Variants in PLCD3 observed in about 807,000 individuals in gnomAD.
PLCD3 encodes the protein phospholipase C delta 3.
A neutral mutation model predicts 82.8 loss-of-function variants in PLCD3; 62 were observed. The observed-to-expected ratio is 0.75, with a 90% CI of 0.61 to 0.93. PLCD3 has a LOEUF of 0.93. Ranked by LOEUF, PLCD3 falls within the 40% of genes least tolerant of loss-of-function variation. The pLI is 0.00. For synonymous variants in PLCD3, 478 were observed against 471.8 expected (o/e 1.01, Z -0.17); for missense variants, 1,023 against 1,103.4 (o/e 0.93, Z 1.03).
rs3744760 is a variant in PLCD3, at chr17:45,118,614, T to C, written c.914-122A>G. The C allele has an allele frequency of 0.3, 361,216 of 1,215,422 alleles. 56,377 individuals carry two copies. The highest frequency in any genetic ancestry group is 0.52 in the East Asian group (21,040 of 40,726). 75.3% of individuals were successfully genotyped at this position (1,215,422 alleles called of 1,614,324 possible). The stretch of plus-strand genomic sequence containing the variant: ...TAGACAATCTACTGACTAGACTCCA[T>C]GTAAGTCATGCCACTTAACCTTCGA... On this transcript the variant is annotated intron_variant, in intron 5 of 14. Coordinates refer to ENST00000619929, the MANE Select transcript of PLCD3 (RefSeq NM_133373.5). This position sits in a 1 kb window ranked among gnomAD's most constrained non-coding sequence, Gnocchi z 4.1.
intron 1 of PLCD3, among the ~76,000 whole-genome samples, chr17:45,131,664 C>T (rs1398690524): frequency 2.0e-5 from 3 of 152,246 alleles, no homozygotes; most frequent in Non-Finnish European, 4.4e-5. Flanking sequence ...CTGTGATGTT[C>T]CAATGAGCCA....
In PLCD3 at chr17:45,113,442, G is replaced by C; in HGVS notation, c.1992C>G (p.Ile664Met). The change falls in exon 12 of 15, where the codon ATC (isoleucine) becomes ATG (methionine). Residue 664 changes from isoleucine to methionine, a missense_variant. Physicochemically the swap from Ile to Met is conservative, Grantham distance 10 (BLOSUM62 1). This residue lies in a region of PLCD3 where 553 missense variants were observed against 655.7 expected (regional missense o/e 0.84). Coordinates refer to ENST00000619929, the MANE Select transcript of PLCD3 (RefSeq NM_133373.5). ...YPGPPRTTLS[I>M]QVLTAQQLPK... ...GGGCCCGTTCCAGCCTGCTGACCTGGATGCTGAGAGTGGTTCTGGGAGGTC... is the reference window on the plus strand; with the variant it reads ...GGGCCCGTTCCAGCCTGCTGACCTGCATGCTGAGAGTGGTTCTGGGAGGTC... 1 of 1,592,156 alleles carries C rather than the reference G, an allele frequency of 6.3e-7. No homozygotes were observed. The highest frequency in any genetic ancestry group is 1.7e-4 in the Middle Eastern group (1 of 6,046).
rs2054266930 is a variant in PLCD3, at chr17:45,113,596, T to C, written c.1838A>G (p.Asn613Ser). The change falls in exon 12 of 15, where the codon AAC (asparagine) becomes AGC (serine). Residue 613 changes from asparagine (N) to serine (S), a missense_variant. Around this residue, in one of 3 missense-constraint regions of PLCD3, gnomAD observed 553 missense variants for 655.7 expected, o/e 0.84. Coordinates refer to ENST00000619929, the MANE Select transcript of PLCD3 (RefSeq NM_133373.5). Reference sequence around the variant, plus strand: ...CATCTCGTAGCCTGGCGTCTGGAAGTTCAAGGCCACTGTGGACACAGCAGG... The same window carrying C: ...CATCTCGTAGCCTGGCGTCTGGAAGCTCAAGGCCACTGTGGACACAGCAGG... The part of the protein sequence containing the change: ...WNSGCQLVAL[N>S]FQTPGYEMDL... 2 of 1,555,184 alleles carry C rather than the reference T, an allele frequency of 1.3e-6. No homozygotes were observed. Among genetic ancestry groups the C allele is most frequent in the Non-Finnish European group, 1.7e-6 (2 of 1,149,232 alleles).
Position 45,115,403 on chromosome 17 carries a change from C to T in PLCD3, c.1501G>A (p.Glu501Lys). 2 of 1,610,472 alleles carry T rather than the reference C, an allele frequency of 1.2e-6. No individual in the cohort carries two copies. Among genetic ancestry groups the T allele is most frequent in the Non-Finnish European group, 1.7e-6 (2 of 1,179,010 alleles). The change falls in exon 9 of 15, where the codon GAG (glutamate) becomes AAG (lysine). Residue 501 changes from glutamate (E) to lysine (K), a missense_variant. Glu to Lys is a moderately conservative substitution (Grantham distance 56, BLOSUM62 1). Transcript: ENST00000619929. ...DGRALSDREE[E>K]EEDDEEEEEE... is the part of the protein sequence containing the mutation. ...TCTTCCTCCTCGTCATCCTCCTCCT[C>T]CTCCTCCCGATCCGACAGAGCCCGG...
chr17:45,114,395 C>T (rs1228330225), intron 10 of PLCD3, 29 bp from the exon 11 acceptor site: 1 of 1,528,988 alleles, frequency 6.5e-7, no homozygotes, highest in South Asian at 1.2e-5. Flanking sequence ...GAGACCGTGA[C>T]AGACTCCGGG....
intron 1 of PLCD3, among the ~76,000 whole-genome samples, chr17:45,121,815 C>A (rs2054343442): frequency 6.6e-6 from 1 of 152,194 alleles, no homozygotes; most frequent in African/African-American, 2.4e-5. Context: ...CATGGTGCAA[C>A]CCCACCTCTA....
chr17:45,126,854 C>T (rs1050989235), intron 1 of PLCD3, among the ~76,000 whole-genome samples: 2 of 151,284 alleles, frequency 1.3e-5, no homozygotes, highest in African/African-American at 4.9e-5. Flanking sequence ...GAGTTGGGGT[C>T]ACACTATGAT....
chr17:45,109,008 T>C lies in PLCD3; in HGVS notation c.*3608A>G, dbSNP rs112206165. The C allele has an allele frequency of 6.5e-6, 1 of 152,768 alleles. No individual in the cohort carries two copies. Among genetic ancestry groups the C allele is most frequent in the Non-Finnish European group, 1.5e-5 (1 of 68,032 alleles). 9.5% of individuals were successfully genotyped at this position (152,768 alleles called of 1,614,324 possible). ...ACTTGTTTCTAATAAAGAAAGCAGC[T>C]GAACAAAACCTTCTGTCCTGGTATT... On this transcript the variant is annotated 3_prime_UTR_variant, in exon 15 of 15. Transcript: ENST00000619929.
At position 45,122,561 on chromosome 17, in the gene PLCD3, T is replaced by C. The variant is rs547722226; in HGVS notation, c.164-1189A>G. ...TAAATTCCGAAGTCTGGGGAGTAAGTCTCAACACTGTCACTTCCCAGTTAT... is the reference window on the plus strand; with the variant it reads ...TAAATTCCGAAGTCTGGGGAGTAAGCCTCAACACTGTCACTTCCCAGTTAT... On this transcript the variant is annotated intron_variant, in intron 1 of 14. Transcript: ENST00000619929. Among the ~76,000 whole-genome samples, 23 of 152,194 alleles carry C rather than the reference T, an allele frequency of 1.5e-4. No individual in the cohort carries two copies. The East Asian group carries it at 4.2e-3, about 28-fold the overall frequency.
intron 10 of PLCD3, 86 bp from the exon 11 acceptor site, chr17:45,114,452 C>T (rs1171820591): frequency 1.9e-6 from 2 of 1,037,312 alleles, no homozygotes; most frequent in South Asian, 1.6e-5. Flanking sequence ...GGAACAGAGC[C>T]CAAGCCCGTC....
rs943534505 is a variant in PLCD3 at position 45,121,139 on chromosome 17, A to C, written c.326-9T>G. On this transcript the variant is annotated splice_polypyrimidine_tract_variant and intron_variant, in intron 2 of 14. Coordinates refer to ENST00000619929, the MANE Select transcript of PLCD3 (RefSeq NM_133373.5). ...GATGTGCTGCACGAAGACTGAGAGG[A>C]GGGCCGGGTCAGGGCGGAGGACCGG... 1 of 1,519,596 alleles carries C rather than the reference A, an allele frequency of 6.6e-7. No individual in the cohort carries two copies. The highest frequency in any genetic ancestry group is 1.4e-5 in the African/African-American group (1 of 71,682). The allele number at this position is 1,519,596 out of a possible 1,614,324, so 94.1% of individuals were successfully genotyped here.
Position 45,124,636 on chromosome 17 carries a change from G to A in PLCD3, c.164-3264C>T, listed in dbSNP as rs574795719. On this transcript the variant is annotated intron_variant, in intron 1 of 14. Coordinates refer to ENST00000619929, the MANE Select transcript of PLCD3 (RefSeq NM_133373.5). ...CTCAGGGCCAGGGCAGCGATGCTGC[G>A]AGGACCGTGGCTCTCCATCCAGCCA... 6.6e-5 allele frequency among the ~76,000 whole-genome samples: 10 copies of A among 152,356 alleles called. No individual in the cohort carries two copies. The East Asian group carries it at 7.7e-4, about 12-fold the overall frequency.
Position 45,114,343 on chromosome 17 carries a change from C to CA in PLCD3, c.1734dup (p.Ala579CysfsTer69). 6.5e-7 allele frequency: 1 copy of CA among 1,548,788 alleles called. No homozygotes were observed. The highest frequency in any genetic ancestry group is 8.7e-7 in the Non-Finnish European group (1 of 1,145,950). On this transcript the variant is annotated frameshift_variant, in exon 11 of 15. Transcript: ENST00000619929. LOFTEE classifies it high-confidence loss of function. The stretch of plus-strand genomic sequence containing the variant: ...GGGTACACGCGGGTCAGCTGGCGGG[C>CA]ATTGTGCCTGACAAAGCTGTTCCCT...
chr17:45,128,346 A>G (rs768534342), intron 1 of PLCD3, among the ~76,000 whole-genome samples: 13 of 152,188 alleles, frequency 8.5e-5, no homozygotes, highest in African/African-American at 1.2e-4. Flanking sequence ...GGGACAGGGA[A>G]AGATGTGAGG....
rs766614973 is a variant in PLCD3, at chr17:45,132,268, A to G, written c.143T>C (p.Leu48Pro). Reference sequence around the variant, plus strand: ...CTGACCCATCTTCTTCAGCGCCCGCAGCCCGGGCCTCTTGGTGCCGCCATC... The same window carrying G: ...CTGACCCATCTTCTTCAGCGCCCGCGGCCCGGGCCTCTTGGTGCCGCCATC... ...PSDGGTKRPGLRALKKMGLTE... is the reference protein window; with the variant it reads ...PSDGGTKRPGPRALKKMGLTE... The change falls in exon 1 of 15, where the codon CTG (leucine) becomes CCG (proline). Residue 48 changes from leucine (L) to proline (P), a missense_variant. Coordinates refer to ENST00000619929, the MANE Select transcript of PLCD3 (RefSeq NM_133373.5). This position sits in a 1 kb window ranked among gnomAD's most constrained non-coding sequence, Gnocchi z 4.6. The G allele has an allele frequency of 7.1e-6, 9 of 1,275,166 alleles. No individual in the cohort carries two copies. The highest frequency in any genetic ancestry group is 8.9e-6 in the Non-Finnish European group (9 of 1,010,012). 79.0% of individuals were successfully genotyped at this position (1,275,166 alleles called of 1,614,324 possible). A position where few individuals can be genotyped will look rare whatever the true frequency, so the allele number is the denominator to read the frequency against.
At chr17:45,124,402 A>G (rs1262493253) in intron 1 of PLCD3, among the ~76,000 whole-genome samples, 1 of 152,210 alleles carries the variant, frequency 6.6e-6, no homozygotes, top group Non-Finnish European at 1.5e-5. Context: ...TGCCCCGCAA[A>G]CTGGCACTGC....
At chr17:45,116,827 C>A in intron 7 of PLCD3, 43 bp from the exon 8 acceptor site, 1 of 1,510,876 alleles carries the variant, frequency 6.6e-7, no homozygotes, top group Admixed American at 2.1e-5. Flanking sequence ...TCCCCTCCCT[C>A]TGCCAGTATC....
chr17:45,124,781 G>T (rs1043039447), intron 1 of PLCD3, among the ~76,000 whole-genome samples: 2 of 152,248 alleles, frequency 1.3e-5, no homozygotes, highest in African/African-American at 4.8e-5. Flanking sequence ...TGTGGGGTTT[G>T]TATCTACTTG....
rs2054249006 is a variant in PLCD3, at chr17:45,112,290, C to T, written c.*326G>A. The T allele has an allele frequency of 5.6e-6, 2 of 354,420 alleles. No individual in the cohort carries two copies. Among genetic ancestry groups the T allele is most frequent in the South Asian group, 5.8e-5 (2 of 34,274 alleles). The allele number at this position is 354,420 out of a possible 1,614,324, so 22.0% of individuals were successfully genotyped here. A position where few individuals can be genotyped will look rare whatever the true frequency, so the allele number is the denominator to read the frequency against. Reference sequence around the variant, plus strand: ...AGGGGAACTGAGGGCCCACAAGTGTCCTGCTCCCCAAGTCTCCTGGCAGCA... The same window carrying T: ...AGGGGAACTGAGGGCCCACAAGTGTTCTGCTCCCCAAGTCTCCTGGCAGCA... On this transcript the variant is annotated 3_prime_UTR_variant, in exon 15 of 15. Coordinates refer to ENST00000619929, the MANE Select transcript of PLCD3 (RefSeq NM_133373.5).
Sources: allele counts gnomAD v4.1 joint callset (sites outside exome capture counted in the v4.1 genomes callset), GRCh38; gene constraint gnomAD v4.1.1; regional missense constraint gnomAD v4.1.1; non-coding constraint Gnocchi (gnomAD v3.1); transcripts MANE v1.5; gene names NCBI Gene and HGNC (gene_info 2026-07-23, HGNC 2026-07-21).